PTCD2: variants seen among roughly 807,000 people sequenced by gnomAD.
PTCD2 encodes the protein pentatricopeptide repeat-containing protein 2, mitochondrial.
Under a neutral mutation model 42.6 loss-of-function variants are expected in PTCD2, and 31 were observed. That is an observed-to-expected ratio of 0.73 (90% confidence interval 0.55 to 0.98). The LOEUF is 0.98. Among genes scored for constraint, PTCD2 ranks in the 50% least tolerant of loss-of-function variants. PTCD2 has a pLI of 0.00. For missense variants in PTCD2, 476 were observed against 454.8 expected (o/e 1.05, Z -0.42); for synonymous variants, 183 against 170.9 (o/e 1.07, Z -0.55).
chr5:72,336,571 G>A (rs1159348862), intron 6 of PTCD2, among the ~76,000 whole-genome samples: 1 of 152,012 alleles, frequency 6.6e-6, no homozygotes, highest in Admixed American at 6.5e-5. Context: ...TTAGCCAGGC[G>A]TGGTGGCATG....
intron 8 of PTCD2, among the ~76,000 whole-genome samples, chr5:72,343,987 G>A (rs1279293029): frequency 6.6e-6 from 1 of 152,218 alleles, no homozygotes; most frequent in Non-Finnish European, 1.5e-5. Flanking sequence ...AAATGGAAAT[G>A]TGTAAGCATT....
At position 72,352,610 on chromosome 5, in the gene PTCD2, T is replaced by C. The variant is rs566769219; in HGVS notation, c.829-31T>C. 6 of 1,093,152 alleles carry C rather than the reference T, an allele frequency of 5.5e-6. No individual in the cohort carries two copies. In the Admixed American group the frequency reaches 9.0e-5, roughly 16 times the overall value. The allele number at this position is 1,093,152 out of a possible 1,614,324, so 67.7% of individuals were successfully genotyped here. On this transcript the variant is annotated intron_variant, in intron 8 of 9. Transcript: ENST00000380639. ...TCAGCATTGAGACACTCACTCAGTC[T>C]TGGTTTTGCTTGTGTCTTCTTAATA...
At chr5:72,327,098 G>C in intron 3 of PTCD2, among the ~76,000 whole-genome samples, 1 of 152,114 alleles carries the variant, frequency 6.6e-6, no homozygotes, top group East Asian at 1.9e-4. Context: ...CAGATATTTT[G>C]GAGCCTCTTT....
chr5:72,325,461 G>A (rs1580139693), intron 2 of PTCD2, among the ~76,000 whole-genome samples: 1 of 152,132 alleles, frequency 6.6e-6, no homozygotes, highest in Admixed American at 6.5e-5. Context: ...AAGGTACCAC[G>A]ATCCTTAATT....
intron 8 of PTCD2, among the ~76,000 whole-genome samples, chr5:72,351,943 TATTTA>T (rs1197393049): frequency 6.6e-6 from 1 of 152,206 alleles, no homozygotes; most frequent in Non-Finnish European, 1.5e-5. Context: ...ACTGGTATTT[TATTTA>T]ATGTTCATAA....
rs897908578 is a variant in PTCD2 at position 72,363,460 on chromosome 5, T to C, written c.*5033T>C. 3.3e-5 allele frequency: 5 copies of C among 152,256 alleles called. No individual in the cohort carries two copies. The highest frequency in any genetic ancestry group is 1.2e-4 in the African/African-American group (5 of 41,462). 9.4% of individuals were successfully genotyped at this position (152,256 alleles called of 1,614,324 possible). On this transcript the variant is annotated 3_prime_UTR_variant, in exon 10 of 10. Coordinates refer to ENST00000380639, the MANE Select transcript of PTCD2 (RefSeq NM_024754.5). ...ACAGAAAGCTTGTGTGTCTTGTGTG[T>C]CTATGTGGACAGGAGTTGTGGGCTT...
Position 72,353,838 on chromosome 5 carries a change from C to T in PTCD2, c.942+1084C>T, listed in dbSNP as rs557425922. Reference sequence around the variant, plus strand: ...TTGTATATATTCTTATACCACAAACCAGGATACATTTCAAATGGATGAGAA... The same window carrying T: ...TTGTATATATTCTTATACCACAAACTAGGATACATTTCAAATGGATGAGAA... On this transcript the variant is annotated intron_variant, in intron 9 of 9. Transcript: ENST00000380639. 9.2e-5 allele frequency among the ~76,000 whole-genome samples: 14 copies of T among 152,130 alleles called. No homozygotes were observed. In the South Asian group the frequency reaches 1.9e-3, roughly 20 times the overall value.
chr5:72,325,888 C>A (rs1751109458), intron 2 of PTCD2, among the ~76,000 whole-genome samples: 1 of 152,170 alleles, frequency 6.6e-6, no homozygotes, highest in Non-Finnish European at 1.5e-5. Context: ...AGAAGAGGTG[C>A]CTCCTTTTGG....
chr5:72,367,471 A>G lies in PTCD2; in HGVS notation c.*9044A>G, dbSNP rs997949963. Reference sequence around the variant, plus strand: ...ACAACTGATGAGGTAAAAGAAACAAACTGTTAATGACTCTAAACAATGTGG... The same window carrying G: ...ACAACTGATGAGGTAAAAGAAACAAGCTGTTAATGACTCTAAACAATGTGG... On this transcript the variant is annotated 3_prime_UTR_variant, in exon 10 of 10. Coordinates refer to ENST00000380639, the MANE Select transcript of PTCD2 (RefSeq NM_024754.5). 1 of 152,178 alleles carries G rather than the reference A, an allele frequency of 6.6e-6. No homozygotes were observed. The highest frequency in any genetic ancestry group is 1.5e-5 in the Non-Finnish European group (1 of 68,038). 9.4% of individuals were successfully genotyped at this position (152,178 alleles called of 1,614,324 possible). A position where few individuals can be genotyped will look rare whatever the true frequency, so the allele number is the denominator to read the frequency against.
In PTCD2 at chr5:72,351,678, A is replaced by G. The variant is rs531568706; in HGVS notation, c.829-963A>G. ...GAGAGAGCAGGGGCAACTGCCACTT[A>G]TAAAACCATCAGTTTTCATGAGAAC... On this transcript the variant is annotated intron_variant, in intron 8 of 9. Coordinates refer to ENST00000380639, the MANE Select transcript of PTCD2 (RefSeq NM_024754.5). Among the ~76,000 whole-genome samples, 8 of 152,322 alleles carry G rather than the reference A, an allele frequency of 5.3e-5. No homozygotes were observed. In the South Asian group the frequency reaches 1.7e-3, roughly 32 times the overall value.
intron 3 of PTCD2, 91 bp from the exon 4 acceptor site, chr5:72,331,167 C>T: frequency 2.4e-6 from 2 of 818,192 alleles, no homozygotes; most frequent in East Asian, 4.9e-5. Context: ...TCTGTTGTGT[C>T]CCAGTACCTG....
Position 72,367,494 on chromosome 5 carries a change from T to C in PTCD2, c.*9067T>C, listed in dbSNP as rs570539533. On this transcript the variant is annotated 3_prime_UTR_variant, in exon 10 of 10. Coordinates refer to ENST00000380639, the MANE Select transcript of PTCD2 (RefSeq NM_024754.5). ...AAACTGTTAATGACTCTAAACAATGTGGCCCACAGAGTTGGTATGGTTTGG... is the reference window on the plus strand; with the variant it reads ...AAACTGTTAATGACTCTAAACAATGCGGCCCACAGAGTTGGTATGGTTTGG... 1 of 152,318 alleles carries C rather than the reference T, an allele frequency of 6.6e-6. No individual in the cohort carries two copies. The highest frequency in any genetic ancestry group is 2.1e-4 in the South Asian group (1 of 4,824). 9.4% of individuals were successfully genotyped at this position (152,318 alleles called of 1,614,324 possible).
chr5:72,352,866 G>A (rs1752688538), intron 9 of PTCD2, 112 bp downstream of exon 9: 3 of 601,682 alleles, frequency 5.0e-6, no homozygotes, highest in Admixed American at 6.6e-5. Flanking sequence ...AAATATGGCA[G>A]CTTCTCTGTT....
rs532812993 is a variant in PTCD2, at chr5:72,326,817, T to G, written c.350+76T>G. 2.7e-6 allele frequency: 4 copies of G among 1,488,150 alleles called. No individual in the cohort carries two copies. The African/African-American group carries it at 4.2e-5, about 16-fold the overall frequency. 92.2% of individuals were successfully genotyped at this position (1,488,150 alleles called of 1,614,324 possible). ...CCTTTCTATGAGCAGTCTGATCCACTTCGAAGTTGTTGCCACCTCTATACT... is the reference window on the plus strand; with the variant it reads ...CCTTTCTATGAGCAGTCTGATCCACGTCGAAGTTGTTGCCACCTCTATACT... On this transcript the variant is annotated intron_variant, in intron 3 of 9. Coordinates refer to ENST00000380639, the MANE Select transcript of PTCD2 (RefSeq NM_024754.5).
At chr5:72,327,399 C>A (rs1352894477) in intron 3 of PTCD2, among the ~76,000 whole-genome samples, 2 of 152,116 alleles carry the variant, frequency 1.3e-5, no homozygotes, top group Non-Finnish European at 2.9e-5. Flanking sequence ...TACCAGGGAG[C>A]AGTATGACAT....
At chr5:72,357,847 C>CT (rs67784172) in intron 9 of PTCD2, among the ~76,000 whole-genome samples, 237 of 143,976 alleles carry the variant, frequency 1.6e-3, no homozygotes, top group Middle Eastern at 3.7e-3. Context: ...GTATACCATA[C>CT]TTTTTTTTTT....
In PTCD2 at chr5:72,326,615, C is replaced by T. The variant is rs370021736; in HGVS notation, c.224C>T (p.Thr75Met). The part of the protein sequence containing the change: ...VACNLSGTKE[T>M]YFRNLKKKLT... ...ACCATACTGTGCTTTCTTCCAGAAA[C>T]GTATTTTAGAAACTTGAAAAAGAAA... is the stretch of plus-strand genomic sequence containing the variant. Residue 75 changes from threonine to methionine, a missense_variant, in exon 3 of 10, where the codon ACG becomes ATG. By Grantham distance (81) the Thr-to-Met change is moderately conservative. Transcript: ENST00000380639. 5.0e-5 allele frequency: 80 copies of T among 1,613,938 alleles called. 1 individual carries two copies. The highest frequency in any genetic ancestry group is 3.7e-4 in the African/African-American group (28 of 74,904).
At chr5:72,344,621 TA>T (rs1752256035) in intron 8 of PTCD2, among the ~76,000 whole-genome samples, 1 of 152,108 alleles carries the variant, frequency 6.6e-6, no homozygotes, top group Non-Finnish European at 1.5e-5. Context: ...GAAACAGTAA[TA>T]GTTATTGGGG....
intron 8 of PTCD2, 135 bp from the exon 9 acceptor site, chr5:72,352,506 G>A (rs1580187008): frequency 2.1e-5 from 11 of 528,012 alleles, no homozygotes; most frequent in Non-Finnish European, 3.1e-5. Flanking sequence ...TTGAACTTGT[G>A]TAAGCAAATA....
Sources: gnomAD v4.1 joint callset for allele counts (sites outside exome capture counted in the v4.1 genomes callset) on GRCh38, gnomAD v4.1.1 for gene constraint, MANE v1.5 for transcripts, NCBI Gene and HGNC (gene_info 2026-07-23, HGNC 2026-07-21) for gene names.